ADGRG5: variants seen among roughly 807,000 people sequenced by gnomAD.
The protein encoded by ADGRG5 is adhesion G protein-coupled receptor G5, also known as G protein-coupled receptor 114.
In ADGRG5, 37 loss-of-function variants were observed where a neutral mutation model predicts 53.2. That is an observed-to-expected ratio of 0.70 (90% CI 0.53 to 0.91). ADGRG5 has a LOEUF of 0.91. ADGRG5 is among the 40% of genes least tolerant of loss of function. The pLI, the probability that ADGRG5 is intolerant of heterozygous loss-of-function variation, is 0.00. For synonymous variants in ADGRG5, 277 were observed against 290.4 expected (o/e 0.95, Z 0.47); for missense variants, 614 against 675.8 (o/e 0.91, Z 1.01).
upstream of ADGRG5, among the ~76,000 whole-genome samples, chr16:57,538,217 C>G (rs1172494046): frequency 6.6e-6 from 1 of 152,192 alleles, no homozygotes; most frequent in African/African-American, 2.4e-5. Flanking sequence ...AAAGTAGGTG[C>G]TGGCCACAGG....
chr16:57,545,143 TAAATAACC>T (rs1358354096), intron 1 of ADGRG5, among the ~76,000 whole-genome samples: 35 of 152,278 alleles, frequency 2.3e-4, no homozygotes, highest in African/African-American at 7.9e-4. Flanking sequence ...CACAGCCAAA[TAAATAACC>T]AAATAACCAA....
chr16:57,559,765 A>G (rs2032960519), intron 1 of ADGRG5, among the ~76,000 whole-genome samples: 1 of 151,620 alleles, frequency 6.6e-6, no homozygotes, highest in African/African-American at 2.4e-5. Context: ...AAGATTTTGT[A>G]TATTATTTGG....
At chr16:57,567,690 A>C (rs1310614136) in intron 8 of ADGRG5, 99 bp downstream of exon 8, 1 of 1,491,682 alleles carries the variant, frequency 6.7e-7, no homozygotes, top group Non-Finnish European at 9.1e-7. Context: ...GCTTCTCCAG[A>C]GGGTGGGGAC....
At chr16:57,535,123 C>T in the ADGRG5 span, among the ~76,000 whole-genome samples, 1 of 152,220 alleles carries the variant, frequency 6.6e-6, no homozygotes, top group South Asian at 2.1e-4. Context: ...CAGTGGGAAA[C>T]CACAGAGGAC....
At chr16:57,550,156 T>C (rs1198180755) in intron 1 of ADGRG5, among the ~76,000 whole-genome samples, 1 of 152,226 alleles carries the variant, frequency 6.6e-6, no homozygotes, top group African/African-American at 2.4e-5. Flanking sequence ...GTTGTATTTT[T>C]AGTAGAGACA....
intron 3 of ADGRG5, 79 bp downstream of exon 3, chr16:57,562,538 T>G (rs1198540569): frequency 1.1e-6 from 1 of 928,668 alleles, no homozygotes; most frequent in African/African-American, 1.7e-5. Flanking sequence ...GACTCTTAAC[T>G]GTGCATTTCT....
At chr16:57,561,237 T>C (rs2032992891) in intron 1 of ADGRG5, among the ~76,000 whole-genome samples, 1 of 152,270 alleles carries the variant, frequency 6.6e-6, no homozygotes, top group African/African-American at 2.4e-5. Flanking sequence ...TTTTTTGGTC[T>C]GCTAAACGTC....
At chr16:57,530,593 C>T in the ADGRG5 span, among the ~76,000 whole-genome samples, 6 of 152,240 alleles carry the variant, frequency 3.9e-5, no homozygotes, top group South Asian at 8.3e-4. Flanking sequence ...GATGATCTAT[C>T]GTCATGATTT....
In ADGRG5 at chr16:57,568,039, G is replaced by C; in HGVS notation, c.1005G>C (p.Glu335Asp). The C allele has an allele frequency of 1.2e-6, 2 of 1,614,020 alleles. No individual in the cohort carries two copies. The highest frequency in any genetic ancestry group is 1.7e-6 in the Non-Finnish European group (2 of 1,179,950). The change falls in exon 9 of 12, where the codon GAG becomes GAC. Residue 335 changes from glutamate to aspartate, a missense_variant. Glu to Asp is a conservative substitution (Grantham distance 45, BLOSUM62 2). Transcript: ENST00000349457. ...GCTGCCTCACCTGGATGGCCATCGA[G>C]GGCTTCAACCTCTACCTCCTCCTCG... The part of the protein sequence containing the change: ...LLSCLTWMAI[E>D]GFNLYLLLGR...
chr16:57,569,688 C>T (rs2033287091), intron 9 of ADGRG5, among the ~76,000 whole-genome samples: 1 of 151,778 alleles, frequency 6.6e-6, no homozygotes, highest in South Asian at 2.1e-4. Flanking sequence ...CTGTCACCAC[C>T]ATCATCACCT....
Position 57,575,451 on chromosome 16 carries a change from C to T in ADGRG5, c.1500C>T (p.Phe500=). The change falls in exon 12 of 12, where the codon TTC becomes TTT. Residue 500 remains phenylalanine (F), a synonymous_variant. Transcript: ENST00000349457. ...ILNSLYGFFL[F]LWFCSQRCRS... ...TTTCTCTTGCAGGTTTCTTCCTTTTCCTGTGGTTCTGCTCCCAGCGGTGCC... is the reference window on the plus strand; with the variant it reads ...TTTCTCTTGCAGGTTTCTTCCTTTTTCTGTGGTTCTGCTCCCAGCGGTGCC... 6.2e-7 allele frequency: 1 copy of T among 1,614,124 alleles called. No homozygotes were observed. Among genetic ancestry groups the T allele is most frequent in the Non-Finnish European group, 8.5e-7 (1 of 1,179,950 alleles).
the ADGRG5 span, chr16:57,529,244 G>C: frequency 1.8e-6 from 2 of 1,130,016 alleles, no homozygotes; most frequent in Non-Finnish European, 2.2e-6. The surrounding 1 kb of genome is among the most constrained non-coding windows in gnomAD (Gnocchi z 4.1). Context: ...GGGGACGCGC[G>C]GCGGGCGCGA....
chr16:57,571,656 C>CTTT lies in ADGRG5; in HGVS notation c.1208+1135_1208+1137dup, dbSNP rs61698586. Among the ~76,000 whole-genome samples the CTTT allele has an allele frequency of 1.2e-3, 162 of 134,000 alleles. 3 individuals are homozygous for CTTT. Among genetic ancestry groups the CTTT allele is most frequent in the East Asian group, 4.2e-3 (19 of 4,496 alleles). 87.9% of individuals were successfully genotyped at this position (134,000 alleles called of 152,430 possible). On this transcript the variant is annotated intron_variant, in intron 10 of 11. Transcript: ENST00000349457. Reference sequence around the variant, plus strand: ...TCTGAAGATGTATTTTCTTTTTTTTCTTTTTTTTTTTTTTTTGAGATGGAG... The same window carrying CTTT: ...TCTGAAGATGTATTTTCTTTTTTTTCTTTTTTTTTTTTTTTTTTTGAGATGGAG...
At chr16:57,545,062 C>A (rs1484911204) in intron 1 of ADGRG5, among the ~76,000 whole-genome samples, 2 of 152,082 alleles carry the variant, frequency 1.3e-5, no homozygotes, top group Non-Finnish European at 2.9e-5. Context: ...AAGGCATGAG[C>A]CACCACACCC....
At chr16:57,540,992 T>C (rs778836686), upstream of ADGRG5, among the ~76,000 whole-genome samples, 4 of 152,164 alleles carry the variant, frequency 2.6e-5, no homozygotes, top group Admixed American at 2.6e-4. Flanking sequence ...GGTTTTGCCA[T>C]GTTGCCCAGG....
chr16:57,556,502 A>G (rs1237835361), intron 1 of ADGRG5, among the ~76,000 whole-genome samples: 2 of 152,134 alleles, frequency 1.3e-5, no homozygotes, highest in Admixed American at 6.6e-5. Context: ...GCATTGTAGG[A>G]TTTAAATACA....
At chr16:57,551,885 C>T (rs897946583) in intron 1 of ADGRG5, among the ~76,000 whole-genome samples, 2 of 152,134 alleles carry the variant, frequency 1.3e-5, no homozygotes, top group South Asian at 2.1e-4. Context: ...ACTTGAAGGT[C>T]GAAATGACTC....
At chr16:57,549,216 G>T (rs2032692516) in intron 1 of ADGRG5, among the ~76,000 whole-genome samples, 1 of 152,144 alleles carries the variant, frequency 6.6e-6, no homozygotes. Context: ...TATTCAGAAC[G>T]TAAAGTTCGA....
At chr16:57,572,330 C>A (rs1472574214) in intron 10 of ADGRG5, among the ~76,000 whole-genome samples, 2 of 152,066 alleles carry the variant, frequency 1.3e-5, no homozygotes, top group African/African-American at 4.8e-5. Context: ...AAAAAATTAG[C>A]TGGGCGTGGT....
Sources: gnomAD v4.1 joint callset for allele counts (sites outside exome capture counted in the v4.1 genomes callset) on GRCh38, gnomAD v4.1.1 for gene constraint, Gnocchi (gnomAD v3.1) non-coding constraint, MANE v1.5 for transcripts, NCBI Gene and HGNC (gene_info 2026-07-23, HGNC 2026-07-21) for gene names.